Variants in MCM3AP observed in about 807,000 individuals in gnomAD.
MCM3AP encodes the protein germinal-center associated nuclear protein.
A neutral mutation model predicts 184.1 loss-of-function variants in MCM3AP; 126 were observed. That is an observed-to-expected ratio of 0.68 (90% CI 0.59 to 0.79). The LOEUF is 0.79. Among genes scored for constraint, MCM3AP ranks in the 30% least tolerant of loss-of-function variants. MCM3AP has a pLI of 0.00. For missense variants in MCM3AP, 2,496 were observed against 2,479.2 expected (o/e 1.01, Z -0.14); for synonymous variants, 1,002 against 979.3 (o/e 1.02, Z -0.43).
chr21:46,262,604 T>A (rs181382158), intron 13 of MCM3AP, among the ~76,000 whole-genome samples: 20 of 151,666 alleles, frequency 1.3e-4, no homozygotes, highest in Non-Finnish European at 2.9e-4. Flanking sequence ...GCTGTGATTG[T>A]GCTTCTGCAC....
intron 2 of MCM3AP, among the ~76,000 whole-genome samples, chr21:46,282,371 T>C (rs2081344364): frequency 6.6e-6 from 1 of 152,212 alleles, no homozygotes; most frequent in South Asian, 2.1e-4. Context: ...CTCAATGTAG[T>C]ATCATTCACT....
chr21:46,277,015 T>C (rs1392635164), intron 5 of MCM3AP, among the ~76,000 whole-genome samples: 1 of 152,160 alleles, frequency 6.6e-6, no homozygotes, highest in African/African-American at 2.4e-5. Context: ...CCTCCCAAAG[T>C]GCTGGGATTA....
At chr21:46,250,824 G>A (rs1298683033) in intron 20 of MCM3AP, 1 of 152,226 alleles carries the variant, frequency 6.6e-6, no homozygotes, top group Non-Finnish European at 1.5e-5. Flanking sequence ...AAGCTGCTAT[G>A]TTAGGAGTAA....
chr21:46,235,648 T>G lies in MCM3AP; in HGVS notation c.5785-222A>C, dbSNP rs16979004. On this transcript the variant is annotated intron_variant, in intron 27 of 27. Transcript: ENST00000291688. ...GACTGTTTGCCTTTGTATTCTATCA[T>G]GAACAATTTCCAGTGTCAGTCATTT... 3.8e-3 allele frequency among the ~76,000 whole-genome samples: 572 copies of G among 152,368 alleles called. 1 individual carries two copies. The highest frequency in any genetic ancestry group is 0.013 in the African/African-American group (535 of 41,590).
At chr21:46,255,754 G>A (rs1041580989) in intron 17 of MCM3AP, among the ~76,000 whole-genome samples, 13 of 151,760 alleles carry the variant, frequency 8.6e-5, no homozygotes, top group African/African-American at 1.7e-4. Flanking sequence ...CAGGGGGTGC[G>A]CAGAAGGGCA....
chr21:46,264,040 A>G, intron 13 of MCM3AP, 77 bp downstream of exon 13: 1 of 974,340 alleles, frequency 1.0e-6, no homozygotes, highest in Non-Finnish European at 1.6e-6. Context: ...AGGCAACTTT[A>G]TGAGAGGAAA....
intron 20 of MCM3AP, chr21:46,251,295 TAA>T (rs1446629308): frequency 2.9e-5 from 11 of 378,648 alleles, no homozygotes; most frequent in African/African-American, 2.2e-4. Context: ...TATATAGTAT[TAA>T]AACAGAAAAA....
intron 2 of MCM3AP, among the ~76,000 whole-genome samples, chr21:46,281,058 G>A (rs1045401619): frequency 3.9e-5 from 6 of 152,094 alleles, no homozygotes; most frequent in African/African-American, 1.4e-4. Context: ...CGCCCACCTT[G>A]GCCTCCCAAA....
At position 46,256,887 on chromosome 21, in the gene MCM3AP, C is replaced by A; in HGVS notation, c.3834G>T (p.Ala1278=). The A allele has an allele frequency of 6.2e-7, 1 of 1,601,122 alleles. No homozygotes were observed. Among genetic ancestry groups the A allele is most frequent in the East Asian group, 2.3e-5 (1 of 44,400 alleles). ...TGGGGCACTCTGCGCTGGGCGCCAG[C>A]GCCCTCAGCCGGTCGCTCACGTCCA... ...CCVDVSDRLR[A]LAPSAECPIA... Residue 1278 remains alanine, a synonymous_variant, in exon 17 of 28, where the codon GCG becomes GCT. Transcript: ENST00000291688.
At chr21:46,258,088 G>A (rs1424965730) in intron 16 of MCM3AP, among the ~76,000 whole-genome samples, 1 of 152,140 alleles carries the variant, frequency 6.6e-6, no homozygotes, top group East Asian at 1.9e-4. Flanking sequence ...GCAAAGGAAG[G>A]CTCAGAGCAA....
At chr21:46,242,556 AAATGTC>A in intron 25 of MCM3AP, 1 of 292,256 alleles carries the variant, frequency 3.4e-6, no homozygotes, top group Non-Finnish European at 6.3e-6. Context: ...AAGTGAGATG[AAATGTC>A]AGCTGTACTC....
chr21:46,250,984 G>C (rs1667922946), intron 20 of MCM3AP: 1 of 152,254 alleles, frequency 6.6e-6, no homozygotes, highest in African/African-American at 2.4e-5. Flanking sequence ...AGTTAAGAGA[G>C]GAAGGAGGAG....
intron 13 of MCM3AP, among the ~76,000 whole-genome samples, chr21:46,263,821 A>G (rs1196180386): frequency 7.2e-6 from 1 of 138,652 alleles, no homozygotes; most frequent in African/African-American, 2.7e-5. Flanking sequence ...AGATGACAGT[A>G]CCACCCAGAA....
chr21:46,277,531 C>A lies in MCM3AP; in HGVS notation c.1854G>T (p.Arg618=). 2 of 1,570,154 alleles carry A rather than the reference C, an allele frequency of 1.3e-6. No homozygotes were observed. Among genetic ancestry groups the A allele is most frequent in the Admixed American group, 1.9e-5 (1 of 53,224 alleles). ...CTCTGCCACCAAGTGCCATACCTTG[C>A]CGCATGATCCTGTCTCTCTGGTCAA... ...RLLDQRDRIM[R]QARVKRTDLD... The change falls in exon 5 of 28, where the codon CGG becomes CGT. Residue 618 remains arginine, a synonymous_variant. Coordinates refer to ENST00000291688, the MANE Select transcript of MCM3AP (RefSeq NM_003906.5).
At chr21:46,243,168 C>A (rs1028692016) in intron 24 of MCM3AP, among the ~76,000 whole-genome samples, 1 of 152,050 alleles carries the variant, frequency 6.6e-6, no homozygotes, top group African/African-American at 2.4e-5. Context: ...ACTCAAAGTC[C>A]AGACAAGCTT....
intron 4 of MCM3AP, among the ~76,000 whole-genome samples, chr21:46,279,688 C>G (rs2081303264): frequency 6.7e-6 from 1 of 149,820 alleles, no homozygotes; most frequent in African/African-American, 2.4e-5. Context: ...AACCTTGGCC[C>G]TAGGGTATAT....
intron 25 of MCM3AP, 140 bp downstream of exon 25, chr21:46,242,662 G>A: frequency 1.3e-6 from 1 of 774,576 alleles, no homozygotes; most frequent in Admixed American, 3.0e-5. Flanking sequence ...CTACTGCATG[G>A]GAATGATCTG....
chr21:46,265,987 A>T lies in MCM3AP; in HGVS notation c.2969T>A (p.Ile990Asn). Residue 990 changes from isoleucine to asparagine, a missense_variant, in exon 11 of 28, where the codon ATC (isoleucine) becomes AAC (asparagine). Around this residue, in one of 5 missense-constraint regions of MCM3AP, gnomAD observed 1,323 missense variants for 1,273.4 expected, o/e 1.04. Coordinates refer to ENST00000291688, the MANE Select transcript of MCM3AP (RefSeq NM_003906.5). ...VCSFNSQNKYIGESLAAELPV... is the reference protein window; with the variant it reads ...VCSFNSQNKYNGESLAAELPV... ...CAGCTCCGCGGCCAGGCTCTCCCCG[A>T]TGTACTTGTTCTGGGAGTTGAAGCT... 2.5e-6 allele frequency: 4 copies of T among 1,607,370 alleles called. No individual in the cohort carries two copies. Among genetic ancestry groups the T allele is most frequent in the Non-Finnish European group, 3.4e-6 (4 of 1,176,396 alleles).
chr21:46,272,556 T>C lies in MCM3AP; in HGVS notation c.2465+5A>G. On this transcript the variant is annotated splice_donor_5th_base_variant and intron_variant, in intron 8 of 27. Transcript: ENST00000291688. ...TTAGGACAACTTTTGGATGTGAAAATTCACCTTAGGATGTCTCCCTTGTTG... is the reference window on the plus strand; with the variant it reads ...TTAGGACAACTTTTGGATGTGAAAACTCACCTTAGGATGTCTCCCTTGTTG... 6.2e-7 allele frequency: 1 copy of C among 1,610,270 alleles called. No individual in the cohort carries two copies.
Sources: allele counts gnomAD v4.1 joint callset (sites outside exome capture counted in the v4.1 genomes callset), GRCh38; gene constraint gnomAD v4.1.1; regional missense constraint gnomAD v4.1.1; transcripts MANE v1.5; gene names NCBI Gene and HGNC (gene_info 2026-07-23, HGNC 2026-07-21).